The following ATP11C variants were observed in gnomAD, a reference collection of about 807,000 sequenced individuals.
The protein encoded by ATP11C is phospholipid-transporting ATPase IG.
In ATP11C, 36 loss-of-function variants were observed where a neutral mutation model predicts 97.4. The observed-to-expected ratio is 0.37, with a 90% CI of 0.28 to 0.49. ATP11C has a LOEUF of 0.49. ATP11C is among the 20% of genes least tolerant of loss of function. The pLI is 0.98. For synonymous variants in ATP11C, 275 were observed against 290.9 expected (o/e 0.95, Z 0.56); for missense variants, 730 against 824.6 (o/e 0.89, Z 1.40).
chrX:139,931,086 T>G (rs2085424786), intron 1 of ATP11C, among the ~76,000 whole-genome samples: 1 of 111,934 alleles, frequency 8.9e-6, no homozygotes. Context: ...CACCACCTCT[T>G]GCAATTAAGG....
At position 139,749,563 on chromosome X, in the gene ATP11C, C is replaced by A. The variant is rs780669833; in HGVS notation, c.2828+462G>T. Among the ~76,000 whole-genome samples, 15 of 111,693 alleles carry A rather than the reference C, an allele frequency of 1.3e-4. No individual in the cohort carries two copies. The South Asian group carries it at 5.0e-3, about 37-fold the overall frequency. ...CTTATGAGTCCATTATTTTCTTCAA[C>A]AGTTTTAGAATGGGGCTAACAAAGG... On this transcript the variant is annotated intron_variant, in intron 24 of 29. Transcript: ENST00000682941.
intron 28 of ATP11C, 35 bp downstream of exon 28, chrX:139,737,881 C>CAA (rs781423532): frequency 8.4e-7 from 1 of 1,190,730 alleles, no homozygotes; most frequent in Non-Finnish European, 1.1e-6. Flanking sequence ...AGGCCCCTTC[C>CAA]AAAAATCAGG....
At chrX:139,880,874 T>C (rs188132298) in intron 1 of ATP11C, among the ~76,000 whole-genome samples, 11 of 112,104 alleles carry the variant, frequency 9.8e-5, no homozygotes, top group Non-Finnish European at 2.1e-4. Context: ...CAAGTAATTT[T>C]GCTTAATCTA....
chrX:139,775,778 A>G (rs2082336155), intron 18 of ATP11C, among the ~76,000 whole-genome samples: 3 of 112,827 alleles, frequency 2.7e-5, no homozygotes, highest in Non-Finnish European at 5.6e-5. Flanking sequence ...TGGCCAGCTC[A>G]TGCAGGCATG....
rs1364868993 is a variant in ATP11C at position 139,728,270 on chromosome X, T to C, written c.*696A>G. ...ATAAGTGGGGTTTAATTCAGAAGAA[T>C]AAAAAATAAACAATTTTTTTCTATT... On this transcript the variant is annotated 3_prime_UTR_variant, in exon 30 of 30. Coordinates refer to ENST00000682941, the MANE Select transcript of ATP11C (RefSeq NM_001353812.2). 1.8e-5 allele frequency: 2 copies of C among 111,733 alleles called. No individual in the cohort carries two copies. Among genetic ancestry groups the C allele is most frequent in the African/African-American group, 6.5e-5 (2 of 30,822 alleles). The allele number at this position is 111,733 out of a possible 1,213,427, so 9.2% of individuals were successfully genotyped here.
At chrX:139,899,202 C>T (rs1248931434) in intron 1 of ATP11C, among the ~76,000 whole-genome samples, 1 of 111,068 alleles carries the variant, frequency 9.0e-6, no homozygotes, top group Non-Finnish European at 1.9e-5. Flanking sequence ...AATGTGGGGC[C>T]GGATGCAATG....
chrX:139,924,148 G>A lies in ATP11C; in HGVS notation c.27+7868C>T, dbSNP rs764938992. On this transcript the variant is annotated intron_variant, in intron 1 of 29. Transcript: ENST00000682941. ...AAAAATGAAAATCCACGAACTTGGC[G>A]ATGCTCCAGAGAGGAAACCAGCAAG... The A allele has an allele frequency of 2.6e-5, 10 of 382,523 alleles. 1 individual carries two copies. Among genetic ancestry groups the A allele is most frequent in the East Asian group, 1.5e-4 (2 of 13,234 alleles). The allele number at this position is 382,523 out of a possible 1,213,427, so 31.5% of individuals were successfully genotyped here.
At chrX:139,831,230 T>C (rs188693281) in intron 1 of ATP11C, among the ~76,000 whole-genome samples, 2 of 111,225 alleles carry the variant, frequency 1.8e-5, no homozygotes, top group Admixed American at 1.9e-4. Context: ...AAAGCTTAAT[T>C]ACAGTCATAT....
chrX:139,816,405 G>C (rs1344696233), intron 4 of ATP11C, among the ~76,000 whole-genome samples: 2 of 111,540 alleles, frequency 1.8e-5, no homozygotes, highest in African/African-American at 3.3e-5. Context: ...CAGTCTATCA[G>C]CTCTGACAAA....
intron 7 of ATP11C, among the ~76,000 whole-genome samples, 179 bp downstream of exon 7, chrX:139,802,057 T>C: frequency 8.9e-6 from 1 of 111,925 alleles, no homozygotes; most frequent in Admixed American, 9.5e-5. Context: ...CAATGATTTA[T>C]TCTGGGTTGA....
At chrX:139,802,659 A>G (rs374780167) in intron 6 of ATP11C, among the ~76,000 whole-genome samples, 2 of 111,907 alleles carry the variant, frequency 1.8e-5, no homozygotes, top group East Asian at 2.8e-4. Context: ...AAGTTAATAC[A>G]TTTATTTTTT....
intron 1 of ATP11C, among the ~76,000 whole-genome samples, chrX:139,888,173 A>G (rs2497283): frequency 0.18 from 18,760 of 105,778 alleles, 3,069 homozygotes; most frequent in African/African-American, 0.49. Context: ...TCACTCTGTC[A>G]CCCAGGCTGG....
intron 1 of ATP11C, among the ~76,000 whole-genome samples, chrX:139,930,154 G>GA (rs1386478002): frequency 6.3e-5 from 7 of 111,313 alleles, no homozygotes; most frequent in African/African-American, 2.3e-4. Context: ...TCTCTGCTGA[G>GA]ATCTTGGTCG....
chrX:139,797,279 T>C lies in ATP11C; in HGVS notation c.905A>G (p.Lys302Arg). Residue 302 changes from lysine (K) to arginine (R), a missense_variant, in exon 11 of 30, where the codon AAA becomes AGA. By Grantham distance (26) the Lys-to-Arg change is conservative. Coordinates refer to ENST00000682941, the MANE Select transcript of ATP11C (RefSeq NM_001353812.2). ...LIVYLFILLT[K>R]AAVCTTLKYV... ...CTTTAGAGTAGTGCATACTGCAGCT[T>C]TGGTCAGTAAGATAAATAAATATAC... The C allele has an allele frequency of 2.5e-6, 3 of 1,181,738 alleles. No homozygotes were observed. Among genetic ancestry groups the C allele is most frequent in the Non-Finnish European group, 3.4e-6 (3 of 874,191 alleles).
At chrX:139,874,875 A>T (rs2084443619) in intron 1 of ATP11C, among the ~76,000 whole-genome samples, 1 of 111,902 alleles carries the variant, frequency 8.9e-6, no homozygotes, top group Non-Finnish European at 1.9e-5. Context: ...TCTGGTCTTG[A>T]TTAACTTTAC....
chrX:139,800,444 G>A (rs1432471581), intron 7 of ATP11C, among the ~76,000 whole-genome samples: 1 of 111,714 alleles, frequency 9.0e-6, no homozygotes, highest in Non-Finnish European at 1.9e-5. Flanking sequence ...TTCTATCTTG[G>A]ATCATGTGAA....
At chrX:139,799,466 C>T (rs1396509075) in intron 8 of ATP11C, among the ~76,000 whole-genome samples, 2 of 109,659 alleles carry the variant, frequency 1.8e-5, no homozygotes, top group Non-Finnish European at 1.9e-5. Flanking sequence ...ACTTCACAAC[C>T]GAGGATAATA....
At chrX:139,819,901 G>A (rs1029031190) in intron 2 of ATP11C, among the ~76,000 whole-genome samples, 2 of 112,036 alleles carry the variant, frequency 1.8e-5, no homozygotes, top group East Asian at 5.6e-4. Flanking sequence ...AAATTATTTG[G>A]ATGGCCAGGC....
chrX:139,800,407 T>G lies in ATP11C; in HGVS notation c.660-297A>C, dbSNP rs1053026792. ...ATGCATGCACACAACACCTCTCTCT[T>G]TTATAAGTTTATATAAATAACGTAA... On this transcript the variant is annotated intron_variant, in intron 7 of 29. Transcript: ENST00000682941. Among the ~76,000 whole-genome samples, 4 of 112,285 alleles carry G rather than the reference T, an allele frequency of 3.6e-5. No homozygotes were observed. The Admixed American group carries it at 3.8e-4, about 11-fold the overall frequency.
Sources: allele counts gnomAD v4.1 joint callset (sites outside exome capture counted in the v4.1 genomes callset), GRCh38; gene constraint gnomAD v4.1.1; transcripts MANE v1.5; gene names NCBI Gene and HGNC (gene_info 2026-07-23, HGNC 2026-07-21).